Variants in ANKS4B observed in about 807,000 individuals in gnomAD.
ANKS4B encodes the protein ankyrin repeat and sterile alpha motif domain containing 4B, also known as ankyrin repeat and SAM domain-containing protein 4B.
Under a neutral mutation model 20.2 loss-of-function variants are expected in ANKS4B, and 21 were observed. That is an observed-to-expected ratio of 1.04 (90% CI 0.74 to 1.50). The LOEUF is 1.50. Ranked by LOEUF, ANKS4B falls within the 40% of genes most tolerant of loss-of-function variation. ANKS4B has a pLI of 0.00. For synonymous variants in ANKS4B, 179 were observed against 194.5 expected, an observed-to-expected ratio of 0.92 and a Z score of 0.66; for missense variants, 473 against 494.6, an observed-to-expected ratio of 0.96 and a Z score of 0.41.
At position 21,250,979 on chromosome 16, in the gene ANKS4B, T is replaced by C; in HGVS notation, c.*159T>C. The stretch of plus-strand genomic sequence containing the variant: ...GAGACCCAAACTTTACTCTGGGAGG[T>C]AGGCTATGCCCATCCAAATAAATCT... On this transcript the variant is annotated 3_prime_UTR_variant, in exon 2 of 2. Transcript: ENST00000311620. The C allele has an allele frequency of 1.0e-6, 1 of 990,898 alleles. No homozygotes were observed. Among genetic ancestry groups the C allele is most frequent in the Non-Finnish European group, 1.4e-6 (1 of 695,672 alleles). The allele number at this position is 990,898 out of a possible 1,614,324, so 61.4% of individuals were successfully genotyped here. A position where few individuals can be genotyped will look rare whatever the true frequency, so the allele number is the denominator to read the frequency against.
At position 21,249,712 on chromosome 16, in the gene ANKS4B, TTCTC is replaced by T. The variant is rs201323707; in HGVS notation, c.165-9_165-6del. On this transcript the variant is annotated splice_polypyrimidine_tract_variant and intron_variant, in intron 1 of 1. Coordinates refer to ENST00000311620, the MANE Select transcript of ANKS4B (RefSeq NM_145865.3). ...AAAAAAAGTCCAACATGTATTTTTT[TTCTC>T]TCTCTCTCTTCTAGAGGGGACCCTG... 8 of 1,550,716 alleles carry T rather than the reference TTCTC, an allele frequency of 5.2e-6. No homozygotes were observed. Among genetic ancestry groups the T allele is most frequent in the African/African-American group, 2.8e-5 (2 of 72,360 alleles).
At chr16:21,236,787 C>G (rs1160292912) in intron 1 of ANKS4B, among the ~76,000 whole-genome samples, 1 of 152,076 alleles carries the variant, frequency 6.6e-6, no homozygotes, top group Non-Finnish European at 1.5e-5. Flanking sequence ...GCACACAAAA[C>G]ATGAAGAAAA....
chr16:21,242,958 T>A (rs368015152), intron 1 of ANKS4B, among the ~76,000 whole-genome samples: 1 of 152,216 alleles, frequency 6.6e-6, no homozygotes, highest in African/African-American at 2.4e-5. Context: ...TTCCCCATAC[T>A]CCTGCCAAAA....
chr16:21,249,037 AATCCT>A (rs1597607417), intron 1 of ANKS4B, among the ~76,000 whole-genome samples: 1 of 152,204 alleles, frequency 6.6e-6, no homozygotes, highest in East Asian at 1.9e-4. Flanking sequence ...GCCATTGAAC[AATCCT>A]ATCCCTAGTT....
At chr16:21,243,302 G>A (rs1720997172) in intron 1 of ANKS4B, among the ~76,000 whole-genome samples, 2 of 151,990 alleles carry the variant, frequency 1.3e-5, no homozygotes, top group African/African-American at 4.8e-5. Flanking sequence ...TTTCTCTTTT[G>A]GGGAAAAGGG....
chr16:21,238,616 T>C lies in ANKS4B; in HGVS notation c.164+4715T>C, dbSNP rs998533592. On this transcript the variant is annotated intron_variant, in intron 1 of 1. Coordinates refer to ENST00000311620, the MANE Select transcript of ANKS4B (RefSeq NM_145865.3). Reference sequence around the variant, plus strand: ...GTTATTTTAAATACTTTATATAATTTAAGATCTGAATTATGATCTAACTCT... The same window carrying C: ...GTTATTTTAAATACTTTATATAATTCAAGATCTGAATTATGATCTAACTCT... Among the ~76,000 whole-genome samples the C allele has an allele frequency of 4.6e-5, 7 of 152,310 alleles. No individual in the cohort carries two copies. In the South Asian group the frequency reaches 1.5e-3, roughly 32 times the overall value.
At chr16:21,243,574 G>A (rs2093328809) in intron 1 of ANKS4B, among the ~76,000 whole-genome samples, 1 of 152,052 alleles carries the variant, frequency 6.6e-6, no homozygotes, top group Non-Finnish European at 1.5e-5. Flanking sequence ...TTTTTGTTTT[G>A]TTTTGTTTTG....
In ANKS4B at chr16:21,250,506, G is replaced by T; in HGVS notation, c.940G>T (p.Gly314Cys). ...QRQGASEADE[G>C]AADEEGEENG... ...ACAAGGAGCATCAGAGGCTGATGAG[G>T]GTGCAGCTGATGAAGAGGGAGAGGA... is the stretch of plus-strand genomic sequence containing the variant. Residue 314 changes from glycine to cysteine, a missense_variant, in exon 2 of 2, where the codon GGT (glycine) becomes TGT (cysteine). By Grantham distance (159) the Gly-to-Cys change is radical (BLOSUM62 -3). Coordinates refer to ENST00000311620, the MANE Select transcript of ANKS4B (RefSeq NM_145865.3). 2 of 1,614,172 alleles carry T rather than the reference G, an allele frequency of 1.2e-6. No individual in the cohort carries two copies. The highest frequency in any genetic ancestry group is 1.7e-6 in the Non-Finnish European group (2 of 1,180,026).
intron 1 of ANKS4B, among the ~76,000 whole-genome samples, chr16:21,239,301 T>C (rs996845093): frequency 4.6e-5 from 7 of 152,116 alleles, no homozygotes; most frequent in Admixed American, 1.3e-4. Context: ...TAAAGATACA[T>C]GCCTGGATCA....
At chr16:21,248,293 G>A (rs1256831252) in intron 1 of ANKS4B, among the ~76,000 whole-genome samples, 1 of 149,268 alleles carries the variant, frequency 6.7e-6, no homozygotes, top group Non-Finnish European at 1.5e-5. Context: ...CCAGTGCTGG[G>A]ATTACAGGCA....
In ANKS4B at chr16:21,250,760, T is replaced by C. The variant is rs1224190937; in HGVS notation, c.1194T>C (p.Ala398=). Residue 398 remains alanine (A), a synonymous_variant, in exon 2 of 2, where the codon GCT becomes GCC. Coordinates refer to ENST00000311620, the MANE Select transcript of ANKS4B (RefSeq NM_145865.3). ...QLGPRKKVLN[A]INRRKQVLQQ... ...GTCCCAGGAAGAAAGTTCTGAATGC[T>C]ATCAACAGGAGGAAGCAGGTGCTTC... 1.2e-6 allele frequency: 2 copies of C among 1,607,674 alleles called. No individual in the cohort carries two copies. Among genetic ancestry groups the C allele is most frequent in the South Asian group, 1.1e-5 (1 of 90,984 alleles).
At chr16:21,241,820 G>A (rs2093326895) in intron 1 of ANKS4B, among the ~76,000 whole-genome samples, 1 of 152,164 alleles carries the variant, frequency 6.6e-6, no homozygotes, top group African/African-American at 2.4e-5. Flanking sequence ...AATTGACTAT[G>A]TGTTATCTTC....
At chr16:21,240,715 A>G (rs916798510) in intron 1 of ANKS4B, among the ~76,000 whole-genome samples, 1 of 152,148 alleles carries the variant, frequency 6.6e-6, no homozygotes, top group Non-Finnish European at 1.5e-5. Context: ...CTAATTATTT[A>G]ACAATATATC....
At chr16:21,248,473 T>C (rs1030466465) in intron 1 of ANKS4B, among the ~76,000 whole-genome samples, 2 of 151,968 alleles carry the variant, frequency 1.3e-5, no homozygotes, top group Non-Finnish European at 2.9e-5. Context: ...CTCACAACTG[T>C]AATCCCAGCA....
chr16:21,249,139 C>T (rs1410745752), intron 1 of ANKS4B, among the ~76,000 whole-genome samples: 1 of 152,178 alleles, frequency 6.6e-6, no homozygotes, highest in Non-Finnish European at 1.5e-5. Flanking sequence ...GCCAATGAGA[C>T]AAGAAAGTTG....
chr16:21,246,427 G>C (rs1480807612), intron 1 of ANKS4B, among the ~76,000 whole-genome samples: 1 of 152,156 alleles, frequency 6.6e-6, no homozygotes, highest in Non-Finnish European at 1.5e-5. Flanking sequence ...CTAAATTGTG[G>C]GAGTTAAGAG....
rs770069300 is a variant in ANKS4B, at chr16:21,250,771, G to C, written c.1205G>C (p.Arg402Thr). 4.4e-6 allele frequency: 7 copies of C among 1,603,432 alleles called. No individual in the cohort carries two copies. The highest frequency in any genetic ancestry group is 6.0e-6 in the Non-Finnish European group (7 of 1,171,362). The part of the protein sequence containing the change: ...RKKVLNAINR[R>T]KQVLQQPGQL... ...AAAGTTCTGAATGCTATCAACAGGA[G>C]GAAGCAGGTGCTTCAACAGCCTGGG... The change falls in exon 2 of 2, where the codon AGG becomes ACG. Residue 402 changes from arginine (R) to threonine (T), a missense_variant. By Grantham distance (71) the Arg-to-Thr change is moderately conservative. Coordinates refer to ENST00000311620, the MANE Select transcript of ANKS4B (RefSeq NM_145865.3).
chr16:21,247,273 C>G (rs1291675451), intron 1 of ANKS4B, among the ~76,000 whole-genome samples: 3 of 152,050 alleles, frequency 2.0e-5, no homozygotes, highest in Non-Finnish European at 4.4e-5. Flanking sequence ...CAATGTTGAC[C>G]AGGCTGATCT....
intron 1 of ANKS4B, among the ~76,000 whole-genome samples, chr16:21,245,169 C>T (rs2093330877): frequency 6.6e-6 from 1 of 152,142 alleles, no homozygotes; most frequent in Non-Finnish European, 1.5e-5. Context: ...TTTGTGGCTT[C>T]GTTTGAAAAA....
Sources: allele counts gnomAD v4.1 joint callset (sites outside exome capture counted in the v4.1 genomes callset), GRCh38; gene constraint gnomAD v4.1.1; transcripts MANE v1.5; gene names NCBI Gene and HGNC (gene_info 2026-07-23, HGNC 2026-07-21).